PLEKHG1: variants seen among roughly 807,000 people sequenced by gnomAD.
PLEKHG1 encodes pleckstrin homology and RhoGEF domain containing G1.
A neutral mutation model predicts 100.8 loss-of-function variants in PLEKHG1; 44 were observed. That is an observed-to-expected ratio of 0.44 (90% CI 0.34 to 0.56). PLEKHG1 has a LOEUF of 0.56. PLEKHG1 is among the 20% of genes least tolerant of loss of function. PLEKHG1 has a pLI of 0.01. For synonymous variants in PLEKHG1, 640 were observed against 662.5 expected, an observed-to-expected ratio of 0.97 and a Z score of 0.52; for missense variants, 1,545 against 1,720.9, an observed-to-expected ratio of 0.90 and a Z score of 1.81.
At chr6:150,646,032 A>G (rs1778481153) in intron 2 of PLEKHG1, among the ~76,000 whole-genome samples, 1 of 152,242 alleles carries the variant, frequency 6.6e-6, no homozygotes, top group African/African-American at 2.4e-5. Context: ...TCAATAACAT[A>G]CTATCCACCA....
chr6:150,604,669 C>T (rs181064204), intron 1 of PLEKHG1, among the ~76,000 whole-genome samples: 9 of 152,332 alleles, frequency 5.9e-5, no homozygotes, highest in Admixed American at 4.6e-4. Flanking sequence ...TTTCGTCACT[C>T]GGTTTCCTAG....
intron 15 of PLEKHG1, among the ~76,000 whole-genome samples, chr6:150,833,607 A>G (rs187991040): frequency 3.0e-4 from 46 of 152,350 alleles, no homozygotes; most frequent in Middle Eastern, 3.4e-3. Flanking sequence ...CCTGATTGTC[A>G]TAGAAAGAAA....
At chr6:150,660,429 C>A (rs768548145) in intron 3 of PLEKHG1, among the ~76,000 whole-genome samples, 1 of 152,040 alleles carries the variant, frequency 6.6e-6, no homozygotes, top group Non-Finnish European at 1.5e-5. Context: ...AAATTTTTCT[C>A]AGGTGGATTT....
chr6:150,709,105 G>A (rs1582981716), intron 3 of PLEKHG1, among the ~76,000 whole-genome samples: 1 of 152,148 alleles, frequency 6.6e-6, no homozygotes, highest in African/African-American at 2.4e-5. Flanking sequence ...AAGCCGAGGC[G>A]GACGGAACAC....
At chr6:150,723,101 G>A (rs548489016) in intron 1 of PLEKHG1, among the ~76,000 whole-genome samples, 33 of 152,282 alleles carry the variant, frequency 2.2e-4, no homozygotes, top group South Asian at 1.7e-3. Flanking sequence ...GGAAGAGGCC[G>A]TGCAGTCGTG....
intron 5 of PLEKHG1, among the ~76,000 whole-genome samples, chr6:150,797,370 T>A (rs1168477067): frequency 1.3e-5 from 2 of 152,054 alleles, no homozygotes; most frequent in Non-Finnish European, 1.5e-5. Flanking sequence ...CAGTGTGGAT[T>A]AAAAGACCCG....
At chr6:150,828,339 G>A (rs1023729427) in intron 14 of PLEKHG1, 4 of 1,611,430 alleles carry the variant, frequency 2.5e-6, no homozygotes, top group African/African-American at 1.3e-5. Context: ...CCTCAGTGCG[G>A]CGCTCTGTCC....
chr6:150,763,678 G>GCA (rs1784302323), intron 2 of PLEKHG1, among the ~76,000 whole-genome samples: 2 of 152,192 alleles, frequency 1.3e-5, no homozygotes, highest in Non-Finnish European at 2.9e-5. Flanking sequence ...CACCTAGGAA[G>GCA]GAAAATCAGA....
At chr6:150,808,909 A>T (rs1220630147) in intron 7 of PLEKHG1, among the ~76,000 whole-genome samples, 196 bp from the exon 9 acceptor site, 2 of 152,200 alleles carry the variant, frequency 1.3e-5, no homozygotes, top group Non-Finnish European at 2.9e-5. Flanking sequence ...TAACAGCCTG[A>T]TTCATTGCTG....
intron 2 of PLEKHG1, among the ~76,000 whole-genome samples, chr6:150,638,432 A>G (rs1778110267): frequency 6.6e-6 from 1 of 151,976 alleles, no homozygotes; most frequent in South Asian, 2.1e-4. Flanking sequence ...CCCTCCCCCT[A>G]CCACTCAGCC....
chr6:150,788,000 C>T (rs1199259097), intron 4 of PLEKHG1, among the ~76,000 whole-genome samples: 1 of 152,174 alleles, frequency 6.6e-6, no homozygotes, highest in Non-Finnish European at 1.5e-5. Context: ...TTAGAATAAC[C>T]ACAGCACATA....
chr6:150,832,844 C>T (rs1305755363), intron 15 of PLEKHG1, among the ~76,000 whole-genome samples: 4 of 151,540 alleles, frequency 2.6e-5, no homozygotes, highest in African/African-American at 7.3e-5. Flanking sequence ...TGCCCAGCTA[C>T]TTTTTACATT....
intron 3 of PLEKHG1, among the ~76,000 whole-genome samples, chr6:150,781,482 G>A (rs983243489): frequency 6.6e-6 from 1 of 151,504 alleles, no homozygotes; most frequent in Non-Finnish European, 1.5e-5. Context: ...TCCAGCCTGG[G>A]AGAAGATGCG....
chr6:150,788,449 T>C (rs968013935), intron 4 of PLEKHG1, among the ~76,000 whole-genome samples: 4 of 152,236 alleles, frequency 2.6e-5, no homozygotes, highest in African/African-American at 4.8e-5. Context: ...GAGATTCATC[T>C]TTGACCTTGC....
intron 1 of PLEKHG1, among the ~76,000 whole-genome samples, chr6:150,729,194 A>T (rs1782112576): frequency 6.6e-6 from 1 of 152,200 alleles, no homozygotes; most frequent in Non-Finnish European, 1.5e-5. Flanking sequence ...AGTAGCTGGG[A>T]CTACAGGCAC....
chr6:150,696,413 A>G (rs1780546550), intron 3 of PLEKHG1, among the ~76,000 whole-genome samples: 1 of 152,220 alleles, frequency 6.6e-6, no homozygotes, highest in Non-Finnish European at 1.5e-5. Flanking sequence ...TCCATTTGAA[A>G]TTAGAGGATG....
At chr6:150,823,382 G>A (rs1776414619) in intron 13 of PLEKHG1, among the ~76,000 whole-genome samples, 1 of 152,186 alleles carries the variant, frequency 6.6e-6, no homozygotes, top group Non-Finnish European at 1.5e-5. Context: ...GGAAGCTTTT[G>A]AAATATCTTG....
At chr6:150,689,644 C>T (rs1780268595) in intron 3 of PLEKHG1, among the ~76,000 whole-genome samples, 1 of 152,110 alleles carries the variant, frequency 6.6e-6, no homozygotes, top group Admixed American at 6.5e-5. Flanking sequence ...GGGTGGGTCA[C>T]CTGAGGTCAG....
intron 3 of PLEKHG1, among the ~76,000 whole-genome samples, chr6:150,776,687 A>G (rs560613488): frequency 2.2e-5 from 3 of 133,396 alleles, no homozygotes; most frequent in East Asian, 5.0e-4. Context: ...CACTGATGCA[A>G]TCCTGGCGTA....
Sources: gnomAD v4.1 joint callset for allele counts (sites outside exome capture counted in the v4.1 genomes callset) on GRCh38, gnomAD v4.1.1 for gene constraint, MANE v1.5 for transcripts, NCBI Gene and HGNC (gene_info 2026-07-23, HGNC 2026-07-21) for gene names.